Variants in RP1 observed in about 807,000 individuals in gnomAD.
The protein encoded by RP1 is RP1 axonemal microtubule associated, also known as oxygen-regulated protein 1.
RP1 carries 16 observed loss-of-function variants against 14.8 expected under a neutral mutation model. The ratio of observed to expected loss-of-function variants is 1.08; its 90% CI spans 0.73 to 1.65. RP1 has a LOEUF of 1.65. Ranked by LOEUF, RP1 falls within the 40% of genes most tolerant of loss-of-function variation. The pLI, the probability that RP1 is intolerant of heterozygous loss-of-function variation, is 0.00. For missense variants in RP1, 2,631 were observed against 2,535.0 expected, an observed-to-expected ratio of 1.04 and a Z score of -0.81; for synonymous variants, 876 against 883.6, an observed-to-expected ratio of 0.99 and a Z score of 0.15.
chr8:54,815,939 A>G (rs1342105799), intron 24 of RP1, among the ~76,000 whole-genome samples: 4 of 152,226 alleles, frequency 2.6e-5, no homozygotes, highest in Admixed American at 6.5e-5. Context: ...TTAATACACC[A>G]TGAATATGAA....
chr8:54,865,755 G>T, intron 27 of RP1: 1 of 470,896 alleles, frequency 2.1e-6, no homozygotes, highest in Non-Finnish European at 3.4e-6. Context: ...AGGAACATTT[G>T]GAGGACCTAT....
chr8:54,699,840 C>T (rs375517109), intron 13 of RP1, among the ~76,000 whole-genome samples: 70 of 151,894 alleles, frequency 4.6e-4, no homozygotes, highest in Middle Eastern at 3.4e-3. Context: ...TCTCAATGGC[C>T]CTTTTAGGGA....
At chr8:54,673,240 C>A (rs1807217283) in intron 7 of RP1, among the ~76,000 whole-genome samples, 1 of 152,044 alleles carries the variant, frequency 6.6e-6, no homozygotes, top group South Asian at 2.1e-4. Context: ...TATTTTGAAA[C>A]ATAATACACT....
intron 1 of RP1, among the ~76,000 whole-genome samples, chr8:54,581,217 C>T (rs924662693): frequency 6.7e-6 from 1 of 149,966 alleles, no homozygotes; most frequent in African/African-American, 2.4e-5. Context: ...CATGTATTCT[C>T]ATTGTTCAAT....
In RP1 at chr8:54,842,115, T is replaced by C. The variant is rs527660438; in HGVS notation, c.3835+4446T>C. ...AATTAAAAAAAGGACAAGCTTTCTTTAATGCTTTAGCCTTTATCACAGTAC... is the reference window on the plus strand; with the variant it reads ...AATTAAAAAAAGGACAAGCTTTCTTCAATGCTTTAGCCTTTATCACAGTAC... On this transcript the variant is annotated intron_variant, in intron 25 of 28. Coordinates refer to the RP1 transcript ENST00000637698. Among the ~76,000 whole-genome samples the C allele has an allele frequency of 6.6e-5, 10 of 152,336 alleles. No homozygotes were observed. In the South Asian group the frequency reaches 2.1e-3, roughly 32 times the overall value.
intron 1 of RP1, among the ~76,000 whole-genome samples, chr8:54,602,863 T>C (rs1332590179): frequency 1.3e-5 from 2 of 152,202 alleles, no homozygotes; most frequent in Non-Finnish European, 2.9e-5. Flanking sequence ...TCATATCCTT[T>C]GCCCACTTGT....
chr8:54,565,438 G>A (rs915981497), intron 1 of RP1, among the ~76,000 whole-genome samples: 5 of 152,106 alleles, frequency 3.3e-5, no homozygotes, highest in Non-Finnish European at 5.9e-5. Context: ...GGTGTCATGC[G>A]CCTGTAATCC....
intron 4 of RP1, among the ~76,000 whole-genome samples, chr8:54,649,527 A>G (rs1240156951): frequency 6.6e-6 from 1 of 152,208 alleles, no homozygotes; most frequent in Non-Finnish European, 1.5e-5. Context: ...ATTAGGTATT[A>G]GTTATCAAGT....
At chr8:54,691,562 T>A (rs1317976597) in intron 12 of RP1, among the ~76,000 whole-genome samples, 3 of 151,950 alleles carry the variant, frequency 2.0e-5, no homozygotes, top group African/African-American at 4.8e-5. Context: ...AGATACAGGT[T>A]TAGAATTTCT....
Position 54,622,235 on chromosome 8 carries a change from G to C in RP1, c.734G>C (p.Gly245Ala). ...QKYLLPARLP[G>A]ISQRVYPKGN... ...TACTTGCTTCCTGCTAGATTACCAG[G>C]GATCTCTCAGCGTGTGTACCCCAAG... is the stretch of plus-strand genomic sequence containing the variant. Residue 245 changes from glycine to alanine, a missense_variant, in exon 3 of 4, where the codon GGG becomes GCG. Physicochemically the swap from Gly to Ala is moderately conservative, Grantham distance 60 (BLOSUM62 0). Transcript: ENST00000220676. The C allele has an allele frequency of 6.2e-7, 1 of 1,614,070 alleles. No homozygotes were observed.
chr8:54,663,266 C>T (rs1318125360), intron 6 of RP1, among the ~76,000 whole-genome samples: 3 of 151,928 alleles, frequency 2.0e-5, no homozygotes, highest in Admixed American at 1.3e-4. Flanking sequence ...ATAATGGCCT[C>T]AAAGTGCAAG....
At chr8:54,586,907 A>T (rs905954376) in intron 1 of RP1, among the ~76,000 whole-genome samples, 1 of 152,034 alleles carries the variant, frequency 6.6e-6, no homozygotes, top group African/African-American at 2.4e-5. Flanking sequence ...CCTTTATTTG[A>T]CTAGGAAAGG....
chr8:54,680,415 G>A (rs1807398583), intron 12 of RP1, among the ~76,000 whole-genome samples: 1 of 152,300 alleles, frequency 6.6e-6, no homozygotes, highest in East Asian at 1.9e-4. Context: ...TAACAAAAGA[G>A]TAAACGGATG....
intron 15 of RP1, among the ~76,000 whole-genome samples, chr8:54,712,070 GAAGT>G (rs1808304657): frequency 1.3e-5 from 2 of 152,170 alleles, no homozygotes; most frequent in African/African-American, 4.8e-5. Context: ...CTCCAGGTAT[GAAGT>G]AAGACACCTG....
rs139214330 is a variant in RP1 at position 54,624,978 on chromosome 8, G to A, written c.1096G>A (p.Glu366Lys). ...TGPSNNDEKS[E>K]MSFPGRTESR... is the part of the protein sequence containing the mutation. ...TCCTTCTAATAATGATGAAAAGAGT[G>A]AGATGAGTTTTCCAGGAAGAACAGA... The change falls in exon 4 of 4, where the codon GAG becomes AAG. Residue 366 changes from glutamate (E) to lysine (K), a missense_variant. Glu to Lys is a moderately conservative substitution (Grantham distance 56). Coordinates refer to ENST00000220676, the MANE Select transcript of RP1 (RefSeq NM_006269.2). 13 of 1,614,026 alleles carry A rather than the reference G, an allele frequency of 8.1e-6. No individual in the cohort carries two copies. Among genetic ancestry groups the A allele is most frequent in the Non-Finnish European group, 1.1e-5 (13 of 1,180,042 alleles).
chr8:54,781,041 T>C (rs964366537), intron 23 of RP1: 6 of 984,776 alleles, frequency 6.1e-6, no homozygotes, highest in Non-Finnish European at 7.2e-6. Flanking sequence ...TTAAAAGTAT[T>C]TTTAACACAA....
rs185662793 is a variant in RP1 at position 54,602,932 on chromosome 8, T to C, written c.-12-18023T>C. Among the ~76,000 whole-genome samples the C allele has an allele frequency of 5.9e-5, 9 of 152,346 alleles. No homozygotes were observed. The East Asian group carries it at 7.7e-4, about 13-fold the overall frequency. On this transcript the variant is annotated intron_variant, in intron 1 of 22. Coordinates refer to the RP1 transcript ENST00000636932. Reference sequence around the variant, plus strand: ...GTTTGAGGTCATTGTAGATTCTGGATATTAGCCCTTTGTTAGATGAGTAGA... The same window carrying C: ...GTTTGAGGTCATTGTAGATTCTGGACATTAGCCCTTTGTTAGATGAGTAGA...
At chr8:54,678,762 T>C (rs535023869) in intron 9 of RP1, among the ~76,000 whole-genome samples, 2 of 152,298 alleles carry the variant, frequency 1.3e-5, no homozygotes, top group South Asian at 2.1e-4. Flanking sequence ...TAAATTAAGA[T>C]AGATTCTTAA....
chr8:54,645,722 A>G (rs1806531928), intron 3 of RP1, among the ~76,000 whole-genome samples: 1 of 152,220 alleles, frequency 6.6e-6, no homozygotes, highest in Non-Finnish European at 1.5e-5. Flanking sequence ...GTTGGGAACT[A>G]TTCCAAATGG....
Sources: gnomAD v4.1 joint callset for allele counts (sites outside exome capture counted in the v4.1 genomes callset) on GRCh38, gnomAD v4.1.1 for gene constraint, MANE v1.5 for transcripts, NCBI Gene and HGNC (gene_info 2026-07-23, HGNC 2026-07-21) for gene names.